DAO: variants seen among roughly 807,000 people sequenced by gnomAD.
The protein encoded by DAO is D-amino-acid oxidase.
In DAO, 51 loss-of-function variants were observed where a neutral mutation model predicts 50.1. The observed-to-expected ratio is 1.02, with a 90% CI of 0.81 to 1.29. DAO has a LOEUF of 1.29. Among genes scored for constraint, DAO ranks in the 50% most tolerant of loss-of-function variants. The probability of loss-of-function intolerance (pLI) is 0.00; values close to 1 mark genes in which losing one functional copy is unlikely to be tolerated. For missense variants in DAO, 436 were observed against 439.4 expected (o/e 0.99, Z 0.07); for synonymous variants, 160 against 166.2 (o/e 0.96, Z 0.29).
chr12:108,892,962 G>T lies in DAO; in HGVS notation c.453-20G>T, dbSNP rs972009046. ...CAGATAGCTGAATACTGGGCTTTTT[G>T]ATGTGTTTGATCATCCCAGGTTAAC... On this transcript the variant is annotated intron_variant, in intron 5 of 10. Coordinates refer to ENST00000228476, the MANE Select transcript of DAO (RefSeq NM_001917.5). 6.2e-7 allele frequency: 1 copy of T among 1,613,242 alleles called. No homozygotes were observed. Among genetic ancestry groups the T allele is most frequent in the African/African-American group, 1.3e-5 (1 of 75,046 alleles).
Position 108,893,952 on chromosome 12 carries a change from T to C in DAO, c.508-311T>C, listed in dbSNP as rs11830725. ...GGAAGATTTCCCCCATCCAAAGAACTGTTTTACAACCACTTTTATATTCAG... is the reference window on the plus strand; with the variant it reads ...GGAAGATTTCCCCCATCCAAAGAACCGTTTTACAACCACTTTTATATTCAG... On this transcript the variant is annotated intron_variant, in intron 6 of 10. Transcript: ENST00000228476. Among the ~76,000 whole-genome samples, 23,214 of 152,148 alleles carry C rather than the reference T, an allele frequency of 0.15. 2,978 individuals carry two copies. Among genetic ancestry groups the C allele is most frequent in the African/African-American group, 0.35 (14,434 of 41,430 alleles).
chr12:108,892,461 T>A (rs1457347172), intron 5 of DAO, among the ~76,000 whole-genome samples: 1 of 152,090 alleles, frequency 6.6e-6, no homozygotes, highest in Non-Finnish European at 1.5e-5. Flanking sequence ...CCACCGCGCC[T>A]CGCTGTTTCT....
chr12:108,897,373 C>T (rs143555005), intron 8 of DAO, among the ~76,000 whole-genome samples: 1 of 152,210 alleles, frequency 6.6e-6, no homozygotes, highest in Non-Finnish European at 1.5e-5. Flanking sequence ...CCCACCACCA[C>T]ATCCAGCTAA....
intron 3 of DAO, among the ~76,000 whole-genome samples, chr12:108,889,175 G>A (rs1311804449): frequency 6.6e-6 from 1 of 151,236 alleles, no homozygotes; most frequent in Admixed American, 6.6e-5. Context: ...GCACAATTTC[G>A]GCTTACTGCA....
At chr12:108,883,480 T>C (rs1207236760) in intron 1 of DAO, among the ~76,000 whole-genome samples, 1 of 152,206 alleles carries the variant, frequency 6.6e-6, no homozygotes, top group East Asian at 1.9e-4. Context: ...AATGTCTTTG[T>C]TCTATGTGAT....
chr12:108,897,570 C>T (rs1229420720), intron 8 of DAO, among the ~76,000 whole-genome samples: 1 of 152,140 alleles, frequency 6.6e-6, no homozygotes, highest in Non-Finnish European at 1.5e-5. Flanking sequence ...AAGGCAGACT[C>T]AGCCTCGACT....
Position 108,885,205 on chromosome 12 carries a change from G to A in DAO, c.194+5G>A. The stretch of plus-strand genomic sequence containing the variant: ...CCCCAACAACCCACAGGAGGCGTGA[G>A]TGAGGGTCACATAGGGTAGCCTGGG... On this transcript the variant is annotated splice_donor_5th_base_variant and intron_variant, in intron 2 of 10. Coordinates refer to ENST00000228476, the MANE Select transcript of DAO (RefSeq NM_001917.5). 2 of 1,611,500 alleles carry A rather than the reference G, an allele frequency of 1.2e-6. No homozygotes were observed. The highest frequency in any genetic ancestry group is 2.2e-5 in the East Asian group (1 of 44,878).
rs1294813096 is a variant in DAO at position 108,894,304 on chromosome 12, G to C, written c.549G>C (p.Gly183=). The part of the protein sequence containing the change: ...EGADVIVNCT[G]VWAGALQRDP... ...CAGACGTGATTGTCAACTGCACTGG[G>C]GTATGGGCTGGGGCGCTACAACGAG... The change falls in exon 7 of 11, where the codon GGG becomes GGC. Residue 183 remains glycine, a synonymous_variant. Coordinates refer to ENST00000228476, the MANE Select transcript of DAO (RefSeq NM_001917.5). The C allele has an allele frequency of 1.2e-6, 2 of 1,614,004 alleles. No homozygotes were observed. Among genetic ancestry groups the C allele is most frequent in the South Asian group, 2.2e-5 (2 of 91,048 alleles).
At chr12:108,899,666 G>A (rs1248208863) in intron 10 of DAO, 191 bp downstream of exon 10, 7 of 645,206 alleles carry the variant, frequency 1.1e-5, no homozygotes, top group Admixed American at 2.2e-5. Flanking sequence ...ACCTGCTCAA[G>A]GTTACATAGA....
intron 3 of DAO, among the ~76,000 whole-genome samples, chr12:108,887,822 G>A (rs1194222940): frequency 6.6e-6 from 1 of 152,180 alleles, no homozygotes; most frequent in Non-Finnish European, 1.5e-5. Flanking sequence ...GATTAGCATG[G>A]CTAAAATACA....
intron 8 of DAO, among the ~76,000 whole-genome samples, chr12:108,898,198 G>A (rs1453950557): frequency 6.6e-6 from 1 of 152,112 alleles, no homozygotes; most frequent in African/African-American, 2.4e-5. Context: ...GTTAATGGAG[G>A]TGGTCTGGTG....
At chr12:108,891,119 C>G (rs939718301) in intron 5 of DAO, among the ~76,000 whole-genome samples, 4 of 152,152 alleles carry the variant, frequency 2.6e-5, no homozygotes, top group Non-Finnish European at 4.4e-5. Flanking sequence ...CCACGCCCAG[C>G]CTGATTCCAT....
At chr12:108,888,073 G>T (rs1372030168) in intron 3 of DAO, among the ~76,000 whole-genome samples, 2 of 152,204 alleles carry the variant, frequency 1.3e-5, no homozygotes, top group Admixed American at 6.5e-5. Context: ...GAAAACGGAG[G>T]CTCCAAGAAA....
At chr12:108,887,768 C>G (rs1353909549) in intron 3 of DAO, among the ~76,000 whole-genome samples, 2 of 152,150 alleles carry the variant, frequency 1.3e-5, no homozygotes, top group African/African-American at 4.8e-5. Flanking sequence ...GTTAAATTGG[C>G]AGAGGACAAA....
rs995771755 is a variant in DAO at position 108,881,956 on chromosome 12, C to CATTTT, written c.-10+1750_-10+1754dup. ...CCAACACTCTAAAAATTCCTACAGG[C>CATTTT]ATTTTATTTTATTTTATTTTATCTT... On this transcript the variant is annotated intron_variant, in intron 1 of 10. Transcript: ENST00000228476. Among the ~76,000 whole-genome samples, 55 of 152,018 alleles carry CATTTT rather than the reference C, an allele frequency of 3.6e-4. No individual in the cohort carries two copies. The South Asian group carries it at 8.9e-3, about 25-fold the overall frequency.
chr12:108,889,598 C>T lies in DAO; in HGVS notation c.386+53C>T, dbSNP rs576179306. The T allele has an allele frequency of 4.9e-6, 7 of 1,431,128 alleles. No homozygotes were observed. The East Asian group carries it at 1.6e-4, about 34-fold the overall frequency. 88.7% of individuals were successfully genotyped at this position (1,431,128 alleles called of 1,614,324 possible). On this transcript the variant is annotated intron_variant, in intron 4 of 10. Coordinates refer to ENST00000228476, the MANE Select transcript of DAO (RefSeq NM_001917.5). ...ACTGGGGCCTGACGAGTTAGCAGAC[C>T]TGTCCAGAAGGCAGCAGAGGGTAGA... is the stretch of plus-strand genomic sequence containing the variant.
intron 7 of DAO, 84 bp downstream of exon 7, chr12:108,894,451 A>G: frequency 9.5e-6 from 11 of 1,152,552 alleles, no homozygotes; most frequent in Non-Finnish European, 1.4e-5. Flanking sequence ...ATCATGGACA[A>G]ATCAGGAACA....
chr12:108,885,171 C>A lies in DAO; in HGVS notation c.165C>A (p.Tyr55Ter). Residue 55 changes from tyrosine to a stop codon, truncating the protein, a stop_gained, in exon 2 of 11, where the codon TAC becomes TAA. Coordinates refer to ENST00000228476, the MANE Select transcript of DAO (RefSeq NM_001917.5). LOFTEE classifies it high-confidence loss of function. ...TDVAAGLWQP[Y>*]LSDPNNPQEA... Reference sequence around the variant, plus strand: ...TGGCTGCCGGCCTCTGGCAGCCCTACCTTTCTGACCCCAACAACCCACAGG... The same window carrying A: ...TGGCTGCCGGCCTCTGGCAGCCCTAACTTTCTGACCCCAACAACCCACAGG... 4 of 1,613,482 alleles carry A rather than the reference C, an allele frequency of 2.5e-6. No individual in the cohort carries two copies. Among genetic ancestry groups the A allele is most frequent in the Non-Finnish European group, 3.4e-6 (4 of 1,179,758 alleles).
chr12:108,890,149 C>T (rs2039475403), intron 4 of DAO, 59 bp from the exon 5 acceptor site: 12 of 1,433,096 alleles, frequency 8.4e-6, no homozygotes, highest in Non-Finnish European at 1.2e-5. Context: ...ATTTCACAGC[C>T]TTCAAATATA....
Sources: gnomAD v4.1 joint callset for allele counts (sites outside exome capture counted in the v4.1 genomes callset) on GRCh38, gnomAD v4.1.1 for gene constraint, MANE v1.5 for transcripts, NCBI Gene and HGNC (gene_info 2026-07-23, HGNC 2026-07-21) for gene names.